F13B: variants seen among roughly 807,000 people sequenced by gnomAD.
F13B encodes TGase.
A neutral mutation model predicts 79.8 loss-of-function variants in F13B; 58 were observed. The observed-to-expected ratio is 0.73, with a 90% confidence interval of 0.59 to 0.90. The LOEUF is 0.90. Among genes scored for constraint, F13B ranks in the 40% least tolerant of loss-of-function variants. The probability of loss-of-function intolerance (pLI) is 0.00; values close to 1 mark genes in which losing one functional copy is unlikely to be tolerated. For synonymous variants in F13B, 283 were observed against 260.3 expected (o/e 1.09, Z -0.84); for missense variants, 773 against 777.0 (o/e 0.99, Z 0.06).
intron 3 of F13B, 84 bp from the exon 4 acceptor site, chr1:197,061,159 T>C: frequency 1.3e-6 from 1 of 747,460 alleles, no homozygotes; most frequent in Non-Finnish European, 2.0e-6. Flanking sequence ...TTTACAAATC[T>C]TAAGAATACA....
chr1:197,054,446 T>G (rs914350098), intron 8 of F13B, among the ~76,000 whole-genome samples: 2 of 151,956 alleles, frequency 1.3e-5, no homozygotes, highest in Non-Finnish European at 2.9e-5. Context: ...TAAGAATTAC[T>G]TGAAAGGTGG....
chr1:197,040,826 T>A, intron 10 of F13B, 91 bp from the exon 11 acceptor site: 1 of 998,844 alleles, frequency 1.0e-6, no homozygotes, highest in East Asian at 2.6e-5. Context: ...TGTTGCCTAC[T>A]CATGAGGACC....
At chr1:197,051,528 T>G (rs2990510) in intron 9 of F13B, among the ~76,000 whole-genome samples, 39,364 of 151,994 alleles carry the variant, frequency 0.26, 5,507 homozygotes, top group Non-Finnish European at 0.32. Flanking sequence ...TTACAGTGTT[T>G]GTTGTTGAGT....
chr1:197,048,975 C>T (rs1443275700), intron 10 of F13B, among the ~76,000 whole-genome samples: 1 of 151,546 alleles, frequency 6.6e-6, no homozygotes, highest in East Asian at 1.9e-4. Flanking sequence ...CTAGAAAATC[C>T]CCTAAATATT....
intron 10 of F13B, among the ~76,000 whole-genome samples, chr1:197,049,836 AT>A (rs1232795370): frequency 3.5e-4 from 54 of 152,270 alleles, no homozygotes; most frequent in African/African-American, 1.3e-3. Flanking sequence ...ACCTTGTGGA[AT>A]TTCTTATGGG....
chr1:197,062,539 C>A (rs187776895), intron 2 of F13B, among the ~76,000 whole-genome samples: 2 of 152,142 alleles, frequency 1.3e-5, no homozygotes, highest in Non-Finnish European at 2.9e-5. Flanking sequence ...GCATCTTATG[C>A]TTAATTATCA....
intron 5 of F13B, among the ~76,000 whole-genome samples, chr1:197,058,414 G>A (rs1040468544): frequency 6.6e-6 from 1 of 152,144 alleles, no homozygotes; most frequent in Non-Finnish European, 1.5e-5. Context: ...GAGGCCAGAA[G>A]TCCAGAGTCA....
chr1:197,064,235 G>A (rs1655971066), intron 1 of F13B, among the ~76,000 whole-genome samples: 1 of 152,052 alleles, frequency 6.6e-6, no homozygotes, highest in Non-Finnish European at 1.5e-5. Flanking sequence ...CAAACTCTAT[G>A]AGAGAACACC....
At position 197,048,395 on chromosome 1, in the gene F13B, C is replaced by G. The variant is rs1410680814; in HGVS notation, c.1738+2302G>C. Among the ~76,000 whole-genome samples, 3 of 151,168 alleles carry G rather than the reference C, an allele frequency of 2.0e-5. No individual in the cohort carries two copies. The East Asian group carries it at 5.8e-4, about 29-fold the overall frequency. ...ATATATTGCTTATAAGAGAGGCACA[C>G]TAAAAGTAAAAACCCAGAAGGTTGA... On this transcript the variant is annotated intron_variant, in intron 10 of 11. Transcript: ENST00000367412.
Position 197,040,716 on chromosome 1 carries a change from A to G in F13B, c.1758T>C (p.Phe586=). 1 of 1,611,316 alleles carries G rather than the reference A, an allele frequency of 6.2e-7. No homozygotes were observed. The highest frequency in any genetic ancestry group is 8.5e-7 in the Non-Finnish European group (1 of 1,178,120). ...PLCLEPCTLS[F]TEMEKNNLLL... is the part of the protein sequence containing the mutation. ...GTAAATTATTCTTTTCCATTTCAGT[A>G]AAAGATAATGTGCATGGCTCTGGGA... Residue 586 remains phenylalanine (F), a synonymous_variant, in exon 11 of 12, where the codon TTT becomes TTC. Transcript: ENST00000367412.
At chr1:197,040,829 T>A in intron 10 of F13B, 94 bp from the exon 11 acceptor site, 1 of 976,360 alleles carries the variant, frequency 1.0e-6, no homozygotes, top group Non-Finnish European at 1.5e-6. Flanking sequence ...TGCCTACTCA[T>A]GAGGACCTTA....
intron 1 of F13B, among the ~76,000 whole-genome samples, chr1:197,065,880 T>G (rs1656029738): frequency 6.6e-6 from 1 of 152,096 alleles, no homozygotes; most frequent in Non-Finnish European, 1.5e-5. Context: ...CAATAATACT[T>G]GCATACCATG....
rs1166516012 is a variant in F13B, at chr1:197,061,000, A to G, written c.527T>C (p.Val176Ala). ...GTAGCCAGTAGCACATTCGTATTGT[A>G]CTTTGTCCTTCACTTTGAATGTTTT... ...TQKTFKVKDK[V>A]QYECATGYYT... Residue 176 changes from valine (V) to alanine (A), a missense_variant, in exon 4 of 12, where the codon GTA becomes GCA. Coordinates refer to ENST00000367412, the MANE Select transcript of F13B (RefSeq NM_001994.3). 1.9e-6 allele frequency: 3 copies of G among 1,609,558 alleles called. No individual in the cohort carries two copies. The East Asian group carries it at 6.7e-5, about 36-fold the overall frequency.
chr1:197,062,897 C>A lies in F13B; in HGVS notation c.225G>T (p.Thr75=), dbSNP rs545308349. Residue 75 remains threonine (T), a synonymous_variant, in exon 2 of 12, where the codon ACG becomes ACT. Coordinates refer to ENST00000367412, the MANE Select transcript of F13B (RefSeq NM_001994.3). ...CTGGAGACCAGCCTTCTGTTGTACA[C>A]GTGGTTTGCTCTTCTTGTCTTCCAC... The part of the protein sequence containing the change: ...TESGRQEEQT[T]CTTEGWSPEP... 1 of 1,613,856 alleles carries A rather than the reference C, an allele frequency of 6.2e-7. No homozygotes were observed. The highest frequency in any genetic ancestry group is 8.5e-7 in the Non-Finnish European group (1 of 1,179,810).
In F13B at chr1:197,052,783, T is replaced by C. The variant is rs1655495284; in HGVS notation, c.1406A>G (p.Lys469Arg). 4.3e-6 allele frequency: 7 copies of C among 1,610,834 alleles called. No homozygotes were observed. The highest frequency in any genetic ancestry group is 5.9e-6 in the Non-Finnish European group (7 of 1,178,628). ...DYMNRNNIEMKWKYEGKVLHG... is the reference protein window; with the variant it reads ...DYMNRNNIEMRWKYEGKVLHG... Reference sequence around the variant, plus strand: ...TAAGACTTTCCCTTCATATTTCCACTTCATTTCTATGTTATTTCTGTTCAT... The same window carrying C: ...TAAGACTTTCCCTTCATATTTCCACCTCATTTCTATGTTATTTCTGTTCAT... The change falls in exon 9 of 12, where the codon AAG (lysine) becomes AGG (arginine). Residue 469 changes from lysine to arginine, a missense_variant. Transcript: ENST00000367412.
chr1:197,053,805 C>T (rs1655536885), intron 8 of F13B, among the ~76,000 whole-genome samples: 1 of 151,966 alleles, frequency 6.6e-6, no homozygotes, highest in African/African-American at 2.4e-5. Context: ...TGCACAAAAG[C>T]TTGAAGGAGA....
intron 11 of F13B, 193 bp downstream of exon 11, chr1:197,040,329 C>T (rs1396189255): frequency 3.7e-6 from 2 of 541,188 alleles, no homozygotes; most frequent in East Asian, 3.0e-5. Flanking sequence ...TCACTTCAGA[C>T]AATTCAGAAG....
At chr1:197,063,516 C>A (rs1655943199) in intron 1 of F13B, among the ~76,000 whole-genome samples, 1 of 152,004 alleles carries the variant, frequency 6.6e-6, no homozygotes. Context: ...TGAGGGGTCT[C>A]ACTCTGTTGC....
intron 10 of F13B, among the ~76,000 whole-genome samples, chr1:197,041,055 G>A (rs1283737448): frequency 6.6e-6 from 1 of 151,984 alleles, no homozygotes; most frequent in Admixed American, 6.6e-5. Context: ...AGGTATTTGG[G>A]GGGAAGCATT....
Sources: gnomAD v4.1 joint callset for allele counts (sites outside exome capture counted in the v4.1 genomes callset) on GRCh38, gnomAD v4.1.1 for gene constraint, MANE v1.5 for transcripts, NCBI Gene and HGNC (gene_info 2026-07-23, HGNC 2026-07-21) for gene names.